MSH5: variants seen among roughly 807,000 people sequenced by gnomAD.
The protein encoded by MSH5 is mutS homolog 5, also known as mutS protein homolog 5.
MSH5 carries 78 observed loss-of-function variants against 107.7 expected under a neutral mutation model. The ratio of observed to expected loss-of-function variants is 0.72; its 90% CI spans 0.60 to 0.87. The LOEUF is 0.87. MSH5 is among the 40% of genes least tolerant of loss of function. The probability of loss-of-function intolerance (pLI) is 0.00; values close to 1 mark genes in which losing one functional copy is unlikely to be tolerated. For missense variants in MSH5, 889 were observed against 1,046.6 expected, an observed-to-expected ratio of 0.85 and a Z score of 2.08; for synonymous variants, 326 against 399.5, an observed-to-expected ratio of 0.82 and a Z score of 2.19.
intron 3 of MSH5, among the ~76,000 whole-genome samples, chr6:31,742,337 A>G (rs892698716): frequency 7.2e-5 from 11 of 152,150 alleles, no homozygotes; most frequent in African/African-American, 2.7e-4. Context: ...GGCTCACTGC[A>G]ACCTCCGTCT....
intron 9 of MSH5, 57 bp from the exon 10 acceptor site, chr6:31,747,330 A>G: frequency 1.3e-6 from 2 of 1,587,270 alleles, no homozygotes; most frequent in South Asian, 1.1e-5. Context: ...ACATAAACAC[A>G]TTCCATTCCC....
rs1358223933 is a variant in MSH5 at position 31,759,053 on chromosome 6, T to C, written c.1327-44T>C. On this transcript the variant is annotated intron_variant, in intron 15 of 24. Coordinates refer to ENST00000375750, the MANE Select transcript of MSH5 (RefSeq NM_172166.4). This position sits in a 1 kb window ranked among gnomAD's most constrained non-coding sequence, Gnocchi z 4.7. ...CTAGGGTGGGGAGGTGTCCAGTAAG[T>C]CTCCAAGCAGGAGAGTAGAGTATCT... 5.7e-6 allele frequency: 9 copies of C among 1,572,708 alleles called. No homozygotes were observed. Among genetic ancestry groups the C allele is most frequent in the Non-Finnish European group, 7.9e-6 (9 of 1,143,488 alleles).
Position 31,761,265 on chromosome 6 carries a change from G to T in MSH5, c.2037+3G>T. 6 of 1,613,216 alleles carry T rather than the reference G, an allele frequency of 3.7e-6. No homozygotes were observed. Among genetic ancestry groups the T allele is most frequent in the Non-Finnish European group, 5.1e-6 (6 of 1,179,638 alleles). ...AATTTGGAAAGGGAACCAACACGGT[G>T]AGGGGAGAAACTGATGAGGGGAGAA... On this transcript the variant is annotated splice_donor_region_variant and intron_variant, in intron 21 of 24. Coordinates refer to ENST00000375750, the MANE Select transcript of MSH5 (RefSeq NM_172166.4). The surrounding 1 kb of genome is among the most constrained non-coding windows in gnomAD (Gnocchi z 5.3).
chr6:31,744,333 T>C (rs1287669027), intron 7 of MSH5, 34 bp downstream of exon 7: 3 of 1,613,182 alleles, frequency 1.9e-6, no homozygotes, highest in African/African-American at 1.3e-5. Context: ...ACCAAAGTAA[T>C]GTGGGATTGG....
intron 9 of MSH5, among the ~76,000 whole-genome samples, chr6:31,746,988 T>A (rs932798612): frequency 2.0e-5 from 3 of 151,950 alleles, no homozygotes; most frequent in Non-Finnish European, 4.4e-5. Flanking sequence ...CCCGGCTAAT[T>A]TTTTGTATTT....
In MSH5 at chr6:31,759,729, C is replaced by T; in HGVS notation, c.1496-57C>T. The T allele has an allele frequency of 6.3e-7, 1 of 1,585,258 alleles. No individual in the cohort carries two copies. Among genetic ancestry groups the T allele is most frequent in the Non-Finnish European group, 8.6e-7 (1 of 1,164,334 alleles). On this transcript the variant is annotated intron_variant, in intron 17 of 24. Transcript: ENST00000375750. This position sits in a 1 kb window ranked among gnomAD's most constrained non-coding sequence, Gnocchi z 4.7. ...TCCAGATCCCCCTAGGGGCCTCTGC[C>T]TCTCCTTCACTTTCCCCTGGAACTG...
At chr6:31,753,506 T>G in intron 11 of MSH5, 61 bp from the exon 12 acceptor site, 1 of 1,613,538 alleles carries the variant, frequency 6.2e-7, no homozygotes, top group African/African-American at 1.3e-5. Flanking sequence ...GCAGTGGGCT[T>G]CTTGAGGGGC....
intron 8 of MSH5, 129 bp downstream of exon 8, chr6:31,744,710 G>T: frequency 1.0e-6 from 1 of 993,454 alleles, no homozygotes; most frequent in South Asian, 1.4e-5. Context: ...TTGAAGGAAA[G>T]GGAAGGGGGG....
At position 31,759,468 on chromosome 6, in the gene MSH5, A is replaced by G. The variant is rs1389491312; in HGVS notation, c.1451A>G (p.Lys484Arg). 7 of 1,612,732 alleles carry G rather than the reference A, an allele frequency of 4.3e-6. No homozygotes were observed. The highest frequency in any genetic ancestry group is 5.9e-6 in the Non-Finnish European group (7 of 1,179,998). ...CTGCACTATCGTAGTGCCCGAACCAAGGAGCTGGATGCATTGCTGGGGGAC... is the reference window on the plus strand; with the variant it reads ...CTGCACTATCGTAGTGCCCGAACCAGGGAGCTGGATGCATTGCTGGGGGAC... The part of the protein sequence containing the change: ...EKLHYRSART[K>R]ELDALLGDLH... The change falls in exon 17 of 25, where the codon AAG becomes AGG. Residue 484 changes from lysine (K) to arginine (R), a missense_variant. Coordinates refer to ENST00000375750, the MANE Select transcript of MSH5 (RefSeq NM_172166.4). This position sits in a 1 kb window ranked among gnomAD's most constrained non-coding sequence, Gnocchi z 4.7.
Position 31,759,499 on chromosome 6 carries a change from C to T in MSH5, c.1482C>T (p.His494=). The change falls in exon 17 of 25, where the codon CAC becomes CAT. Residue 494 remains histidine (H), a synonymous_variant. Coordinates refer to ENST00000375750, the MANE Select transcript of MSH5 (RefSeq NM_172166.4). This position sits in a 1 kb window ranked among gnomAD's most constrained non-coding sequence, Gnocchi z 4.7. ...TGGATGCATTGCTGGGGGACCTGCA[C>T]TGCGAGATCCGGGGTGAGGAAAAGC... is the stretch of plus-strand genomic sequence containing the variant. ...KELDALLGDL[H]CEIRDQETLL... is the part of the protein sequence containing the mutation. 6.2e-7 allele frequency: 1 copy of T among 1,612,540 alleles called. No individual in the cohort carries two copies. Among genetic ancestry groups the T allele is most frequent in the Non-Finnish European group, 8.5e-7 (1 of 1,179,952 alleles).
Position 31,753,427 on chromosome 6 carries a change from C to T in MSH5, c.939C>T (p.Ile313=), listed in dbSNP as rs1322241325. ...TGCTGCATCGGCTCCTGGGTCACATCAAGAACGTGCCTGTGAGCCCAGGGT... is the reference window on the plus strand; with the variant it reads ...TGCTGCATCGGCTCCTGGGTCACATTAAGAACGTGCCTGTGAGCCCAGGGT... The part of the protein sequence containing the change: ...AQMLHRLLGH[I]KNVPLILKRM... Residue 313 remains isoleucine, a synonymous_variant, in exon 11 of 25, where the codon ATC becomes ATT. Coordinates refer to ENST00000375750, the MANE Select transcript of MSH5 (RefSeq NM_172166.4). The T allele has an allele frequency of 1.2e-6, 2 of 1,613,960 alleles. No individual in the cohort carries two copies.
At position 31,753,301 on chromosome 6, in the gene MSH5, G is replaced by A. The variant is rs775027663; in HGVS notation, c.813G>A (p.Arg271=). The part of the protein sequence containing the change: ...CHCKWGEKLL[R]LWFTRPTHDL... Reference sequence around the variant, plus strand: ...CCCCCACCCAAACCCTCACTTCCAGGCTATGGTTCACACGTCCGACTCATG... The same window carrying A: ...CCCCCACCCAAACCCTCACTTCCAGACTATGGTTCACACGTCCGACTCATG... The change falls in exon 11 of 25, where the codon AGG becomes AGA. Residue 271 remains arginine (R), a splice_region_variant and synonymous_variant. Coordinates refer to ENST00000375750, the MANE Select transcript of MSH5 (RefSeq NM_172166.4). The A allele has an allele frequency of 1.2e-6, 2 of 1,603,062 alleles. No individual in the cohort carries two copies. Among genetic ancestry groups the A allele is most frequent in the South Asian group, 1.1e-5 (1 of 90,712 alleles).
intron 10 of MSH5, among the ~76,000 whole-genome samples, chr6:31,752,438 A>T (rs1810044343): frequency 6.6e-6 from 1 of 150,584 alleles, no homozygotes; most frequent in Non-Finnish European, 1.5e-5. Context: ...ATAAGACACT[A>T]TTGGCCGGGT....
chr6:31,758,832 T>G lies in MSH5; in HGVS notation c.1283T>G (p.Leu428Arg). The G allele has an allele frequency of 6.2e-7, 1 of 1,614,216 alleles. No individual in the cohort carries two copies. Among genetic ancestry groups the G allele is most frequent in the Non-Finnish European group, 8.5e-7 (1 of 1,180,040 alleles). ...TEVARKELEN[L>R]DSRIPSCSVI... ...GTTGCCCGCAAGGAGCTGGAGAATC[T>G]GGACTCCCGTATTCCTTCATGCAGT... The change falls in exon 15 of 25, where the codon CTG becomes CGG. Residue 428 changes from leucine to arginine, a missense_variant. Physicochemically the swap from Leu to Arg is moderately radical, Grantham distance 102 (BLOSUM62 -2). Coordinates refer to ENST00000375750, the MANE Select transcript of MSH5 (RefSeq NM_172166.4). This position sits in a 1 kb window ranked among gnomAD's most constrained non-coding sequence, Gnocchi z 5.1.
intron 12 of MSH5, among the ~76,000 whole-genome samples, chr6:31,754,812 C>T (rs1283189680): frequency 6.9e-6 from 1 of 144,608 alleles, no homozygotes; most frequent in African/African-American, 2.6e-5. Flanking sequence ...AGTGCAGTGG[C>T]ATGATCTCGG....
rs1377101990 is a variant in MSH5, at chr6:31,741,189, A to C, written c.174A>C (p.Ser58=). The C allele has an allele frequency of 1.9e-6, 3 of 1,612,898 alleles. No individual in the cohort carries two copies. Among genetic ancestry groups the C allele is most frequent in the African/African-American group, 1.3e-5 (1 of 74,880 alleles). The change falls in exon 3 of 25, where the codon TCA becomes TCC. Residue 58 remains serine (S), a synonymous_variant. Coordinates refer to ENST00000375750, the MANE Select transcript of MSH5 (RefSeq NM_172166.4). ...AEIHLCVLWN[S]GYLGIAYYDT... ...TCCATCTGTGTGTGCTGTGGAATTC[A>C]GGATACTTGGGCATTGCCTACTATG...
chr6:31,761,776 A>G lies in MSH5; in HGVS notation c.2182-42A>G, dbSNP rs779571319. On this transcript the variant is annotated intron_variant, in intron 22 of 24. Coordinates refer to ENST00000375750, the MANE Select transcript of MSH5 (RefSeq NM_172166.4). This position sits in a 1 kb window ranked among gnomAD's most constrained non-coding sequence, Gnocchi z 5.3. ...ATTGGCCAAGGGTTTCAGGACAGGA[A>G]GGAGGTGATTGATGATACACTGTCT... 1.9e-6 allele frequency: 3 copies of G among 1,613,084 alleles called. No homozygotes were observed. Among genetic ancestry groups the G allele is most frequent in the Non-Finnish European group, 2.5e-6 (3 of 1,180,002 alleles).
In MSH5 at chr6:31,758,195, GCCTGCCGCTC is replaced by G; in HGVS notation, c.1054_1063del (p.Leu353ProfsTer26). 1 of 1,613,070 alleles carries G rather than the reference GCCTGCCGCTC, an allele frequency of 6.2e-7. No individual in the cohort carries two copies. The highest frequency in any genetic ancestry group is 8.5e-7 in the Non-Finnish European group (1 of 1,180,036). On this transcript the variant is annotated frameshift_variant, in exon 13 of 25. Transcript: ENST00000375750. LOFTEE classifies it high-confidence loss of function. The surrounding 1 kb of genome is among the most constrained non-coding windows in gnomAD (Gnocchi z 5.1). ...GTACAGTGCCCTGGGCCTGAGGGAT[GCCTGCCGCTC>G]CCTGCCGCAGTCCATCCAGCTCTTT... is the stretch of plus-strand genomic sequence containing the variant.
chr6:31,762,569 C>T lies in MSH5; in HGVS notation c.*38C>T, dbSNP rs766633905. 49 of 1,332,926 alleles carry T rather than the reference C, an allele frequency of 3.7e-5. No homozygotes were observed. Among genetic ancestry groups the T allele is most frequent in the East Asian group, 1.1e-4 (5 of 43,558 alleles). The allele number at this position is 1,332,926 out of a possible 1,614,324, so 82.6% of individuals were successfully genotyped here. A position where few individuals can be genotyped will look rare whatever the true frequency, so the allele number is the denominator to read the frequency against. On this transcript the variant is annotated 3_prime_UTR_variant, in exon 25 of 25. Coordinates refer to ENST00000375750, the MANE Select transcript of MSH5 (RefSeq NM_172166.4). ...TGTCCTCCCCAGCCTCCTGAGACTCCGGTGGGCTGCCATGCCCTCTTTGTT... is the reference window on the plus strand; with the variant it reads ...TGTCCTCCCCAGCCTCCTGAGACTCTGGTGGGCTGCCATGCCCTCTTTGTT...
Sources: gnomAD v4.1 joint callset for allele counts (sites outside exome capture counted in the v4.1 genomes callset) on GRCh38, gnomAD v4.1.1 for gene constraint, Gnocchi (gnomAD v3.1) non-coding constraint, MANE v1.5 for transcripts, NCBI Gene and HGNC (gene_info 2026-07-23, HGNC 2026-07-21) for gene names.